Variants in CEP63 observed in about 807,000 individuals in gnomAD.
CEP63 encodes the protein centrosomal protein 63, also known as centrosomal protein of 63 kDa.
CEP63 carries 84 observed loss-of-function variants against 89.1 expected under a neutral mutation model. That is an observed-to-expected ratio of 0.94 (90% CI 0.79 to 1.13). The LOEUF is 1.13. Among genes scored for constraint, CEP63 ranks in the 50% most tolerant of loss-of-function variants. The probability of loss-of-function intolerance (pLI) is 0.00; values close to 1 mark genes in which losing one functional copy is unlikely to be tolerated. For missense variants in CEP63, 838 were observed against 813.3 expected (o/e 1.03, Z -0.37); for synonymous variants, 267 against 272.5 (o/e 0.98, Z 0.20).
At chr3:134,552,752 T>G (rs1445574932) in intron 12 of CEP63, 2 of 152,114 alleles carry the variant, frequency 1.3e-5, no homozygotes, top group Non-Finnish European at 2.9e-5. Context: ...CTACAAGATA[T>G]TCACATAATA....
Position 134,557,376 on chromosome 3 carries a change from G to GTTTTTTTTTTTTTT in CEP63, c.1468-751_1468-738dup, listed in dbSNP as rs199930556. On this transcript the variant is annotated intron_variant, in intron 12 of 14. Coordinates refer to ENST00000675561, the MANE Select transcript of CEP63 (RefSeq NM_001353108.3). ...CTTGACCAGCTTACTTTCATAATTTGTTTTTTTTTTTTTTTTTTTTTTTTT... is the reference window on the plus strand; with the variant it reads ...CTTGACCAGCTTACTTTCATAATTTGTTTTTTTTTTTTTTTTTTTTTTTTTTTTTTTTTTTTTTT... Among the ~76,000 whole-genome samples the GTTTTTTTTTTTTTT allele has an allele frequency of 1.1e-3, 116 of 101,468 alleles. 18 individuals are homozygous for GTTTTTTTTTTTTTT. The highest frequency in any genetic ancestry group is 4.3e-3 in the African/African-American group (88 of 20,296). 66.6% of individuals were successfully genotyped at this position (101,468 alleles called of 152,430 possible). A position where few individuals can be genotyped will look rare whatever the true frequency, so the allele number is the denominator to read the frequency against.
the CEP63 span, among the ~76,000 whole-genome samples, chr3:134,695,104 C>A: frequency 7.2e-5 from 11 of 152,244 alleles, no homozygotes; most frequent in African/African-American, 2.6e-4. Flanking sequence ...CCAGGTCAGC[C>A]GGCCGGGACC....
chr3:134,684,083 A>G, the CEP63 span, among the ~76,000 whole-genome samples: 1 of 152,202 alleles, frequency 6.6e-6, no homozygotes, highest in Non-Finnish European at 1.5e-5. Context: ...ACAAGGTTTC[A>G]TGAGAGCAAA....
chr3:134,698,188 A>G, the CEP63 span, among the ~76,000 whole-genome samples: 1 of 152,172 alleles, frequency 6.6e-6, no homozygotes. Flanking sequence ...TCAAACCAGC[A>G]AGTTGTGTAT....
At chr3:134,566,681 G>T (rs1024472767), downstream of CEP63, among the ~76,000 whole-genome samples, 1 of 152,058 alleles carries the variant, frequency 6.6e-6, no homozygotes, top group Non-Finnish European at 1.5e-5. Flanking sequence ...CAAATGAAAA[G>T]ATGTTCAACA....
At chr3:134,708,901 G>C in the CEP63 span, among the ~76,000 whole-genome samples, 2 of 152,204 alleles carry the variant, frequency 1.3e-5, no homozygotes, top group African/African-American at 4.8e-5. Context: ...AAGGCTAGTG[G>C]GGGTGGGGGA....
At chr3:134,589,316 A>G (rs1958552371), downstream of CEP63, among the ~76,000 whole-genome samples, 1 of 152,244 alleles carries the variant, frequency 6.6e-6, no homozygotes, top group African/African-American at 2.4e-5. Flanking sequence ...ACCATATCAA[A>G]TGATATATAA....
At chr3:134,745,690 C>G in the CEP63 span, among the ~76,000 whole-genome samples, 1 of 152,008 alleles carries the variant, frequency 6.6e-6, no homozygotes, top group Admixed American at 6.6e-5. Context: ...CTCAGCCCCC[C>G]ACCCCATGAC....
the CEP63 span, among the ~76,000 whole-genome samples, chr3:134,708,014 G>C: frequency 1.3e-5 from 2 of 152,174 alleles, no homozygotes; most frequent in Admixed American, 6.5e-5. Context: ...AAATGCACAT[G>C]TGTATGCAAG....
chr3:134,635,580 TTTTAAAGAGGGAAA>T, the CEP63 span, among the ~76,000 whole-genome samples: 1 of 149,946 alleles, frequency 6.7e-6, no homozygotes, highest in Non-Finnish European at 1.5e-5. Context: ...CACAAGATAA[TTTTAAAGAGGGAAA>T]TAGAACTGCT....
rs781235688 is a variant in CEP63, at chr3:134,561,396, C to A, written c.1973C>A (p.Pro658His). ...TTCCAGTGTTCCTTGCCTGTATCTC[C>A]CCTTGGTTCAATAGCTACCAGATTT... is the stretch of plus-strand genomic sequence containing the variant. ...FISSCSLPVS[P>H]LGSIATRFLE... Residue 658 changes from proline (P) to histidine (H), a missense_variant, in exon 15 of 15, where the codon CCC becomes CAC. Coordinates refer to ENST00000675561, the MANE Select transcript of CEP63 (RefSeq NM_001353108.3). The A allele has an allele frequency of 1.1e-5, 18 of 1,613,954 alleles. 1 individual carries two copies. The Middle Eastern group carries it at 1.8e-3, about 163-fold the overall frequency.
chr3:134,620,919 A>C, the CEP63 span: 2 of 965,970 alleles, frequency 2.1e-6, no homozygotes, highest in Non-Finnish European at 3.3e-6. Context: ...GGGGCCCAGC[A>C]TCTTGCACCT....
intron 8 of CEP63, 121 bp from the exon 9 acceptor site, chr3:134,547,214 G>A: frequency 2.4e-6 from 2 of 830,700 alleles, no homozygotes; most frequent in Non-Finnish European, 4.0e-6. Flanking sequence ...TATAAAGCAG[G>A]AGACAAACTT....
At chr3:134,688,663 C>G in the CEP63 span, among the ~76,000 whole-genome samples, 1 of 152,172 alleles carries the variant, frequency 6.6e-6, no homozygotes, top group Non-Finnish European at 1.5e-5. Context: ...CTGAGATAAT[C>G]TGGGTGCTGT....
the CEP63 span, among the ~76,000 whole-genome samples, chr3:134,738,009 A>C: frequency 6.6e-6 from 1 of 152,194 alleles, no homozygotes; most frequent in African/African-American, 2.4e-5. Context: ...AGAGGGGTTT[A>C]AATGAGAGCA....
At chr3:134,684,745 A>C in the CEP63 span, among the ~76,000 whole-genome samples, 1 of 152,190 alleles carries the variant, frequency 6.6e-6, no homozygotes, top group Non-Finnish European at 1.5e-5. Context: ...AACAGGGACA[A>C]TATACCTTTG....
intron 2 of CEP63, among the ~76,000 whole-genome samples, chr3:134,496,067 T>C (rs977953078): frequency 6.6e-6 from 1 of 152,256 alleles, no homozygotes; most frequent in Admixed American, 6.5e-5. Flanking sequence ...CATACTGATT[T>C]CCTTTCCTTT....
the CEP63 span, among the ~76,000 whole-genome samples, chr3:134,716,186 C>G: frequency 6.6e-6 from 1 of 152,216 alleles, no homozygotes; most frequent in Non-Finnish European, 1.5e-5. Flanking sequence ...ATTAATTACT[C>G]TGTCCGATTC....
the CEP63 span, among the ~76,000 whole-genome samples, chr3:134,759,536 G>T: frequency 1.3e-5 from 2 of 152,310 alleles, no homozygotes; most frequent in South Asian, 2.1e-4. Flanking sequence ...CCTGGATTTT[G>T]AAACTCAAAA....
Sources: gnomAD v4.1 joint callset for allele counts (sites outside exome capture counted in the v4.1 genomes callset) on GRCh38, gnomAD v4.1.1 for gene constraint, MANE v1.5 for transcripts, NCBI Gene and HGNC (gene_info 2026-07-23, HGNC 2026-07-21) for gene names.